The following ARHGAP15 variants were observed in gnomAD, a reference collection of about 807,000 sequenced individuals.
ARHGAP15 encodes rho GTPase-activating protein 15.
ARHGAP15 carries 51 observed loss-of-function variants against 63.7 expected under a neutral mutation model. The ratio of observed to expected loss-of-function variants is 0.80; its 90% confidence interval spans 0.64 to 1.01. ARHGAP15 has a LOEUF of 1.01. ARHGAP15 is among the 50% of genes least tolerant of loss of function. ARHGAP15 has a pLI of 0.00. For missense variants in ARHGAP15, 560 were observed against 564.6 expected, an observed-to-expected ratio of 0.99 and a Z score of 0.08; for synonymous variants, 191 against 193.8, an observed-to-expected ratio of 0.99 and a Z score of 0.12.
intron 11 of ARHGAP15, among the ~76,000 whole-genome samples, chr2:143,605,633 T>G (rs1377361660): frequency 1.3e-5 from 2 of 151,854 alleles, no homozygotes; most frequent in African/African-American, 2.4e-5. Context: ...GGAATCAGAT[T>G]CGCGGCATTT....
chr2:143,627,114 T>C (rs1259951287), intron 12 of ARHGAP15, among the ~76,000 whole-genome samples: 1 of 152,230 alleles, frequency 6.6e-6, no homozygotes, highest in Non-Finnish European at 1.5e-5. Context: ...CTTGGTCTCA[T>C]ACTTCCAAGA....
chr2:143,584,065 C>T (rs566287524), intron 11 of ARHGAP15, among the ~76,000 whole-genome samples: 8 of 152,230 alleles, frequency 5.3e-5, no homozygotes, highest in African/African-American at 1.7e-4. Flanking sequence ...CCAAGAGTAA[C>T]CATTCATGTT....
At chr2:143,140,726 G>C (rs1260666229) in intron 1 of ARHGAP15, among the ~76,000 whole-genome samples, 1 of 151,850 alleles carries the variant, frequency 6.6e-6, no homozygotes, top group Non-Finnish European at 1.5e-5. Flanking sequence ...AACCAACTCA[G>C]GATTCTATAT....
chr2:143,411,895 AAG>A (rs1373812624), intron 6 of ARHGAP15, among the ~76,000 whole-genome samples: 8 of 152,184 alleles, frequency 5.3e-5, no homozygotes, highest in East Asian at 1.9e-4. Context: ...ATGAATCAGA[AAG>A]AGAGGGAATA....
At chr2:143,337,739 T>C (rs1289778468) in intron 6 of ARHGAP15, among the ~76,000 whole-genome samples, 2 of 150,568 alleles carry the variant, frequency 1.3e-5, no homozygotes, top group South Asian at 2.1e-4. Flanking sequence ...ATATCAAACA[T>C]AAAAAAAAAG....
chr2:143,428,253 G>C (rs1371855255), intron 6 of ARHGAP15, among the ~76,000 whole-genome samples: 1 of 151,898 alleles, frequency 6.6e-6, no homozygotes, highest in Non-Finnish European at 1.5e-5. Context: ...CTAAAGTATG[G>C]GACAGCTGGG....
rs564311987 is a variant in ARHGAP15, at chr2:143,471,223, C to T, written c.704-16150C>T. Among the ~76,000 whole-genome samples, 204 of 145,582 alleles carry T rather than the reference C, an allele frequency of 1.4e-3. 1 individual carries two copies. The highest frequency in any genetic ancestry group is 4.3e-3 in the African/African-American group (166 of 38,548). ...ATATATGTGTGTATATATACACACA[C>T]ATGTGTATGTGTATATGTGTATATA... On this transcript the variant is annotated intron_variant, in intron 8 of 13. Coordinates refer to ENST00000295095, the MANE Select transcript of ARHGAP15 (RefSeq NM_018460.4).
chr2:143,661,166 C>G (rs1349544087), intron 12 of ARHGAP15, among the ~76,000 whole-genome samples: 3 of 152,158 alleles, frequency 2.0e-5, no homozygotes, highest in Non-Finnish European at 4.4e-5. Flanking sequence ...TTTTAAAGAC[C>G]AATGTGATCA....
intron 10 of ARHGAP15, chr2:143,522,208 A>G (rs1694087223): frequency 6.6e-6 from 1 of 152,136 alleles, no homozygotes; most frequent in African/African-American, 2.4e-5. Context: ...GGTTCTCTTT[A>G]TTACTCTAAA....
intron 10 of ARHGAP15, among the ~76,000 whole-genome samples, chr2:143,551,374 T>C (rs1337705615): frequency 6.6e-6 from 1 of 152,014 alleles, no homozygotes; most frequent in Non-Finnish European, 1.5e-5. Flanking sequence ...AGGCTGTTCT[T>C]GGATTCCTGG....
chr2:143,428,103 A>C (rs1186487504), intron 6 of ARHGAP15, among the ~76,000 whole-genome samples: 1 of 152,078 alleles, frequency 6.6e-6, no homozygotes, highest in African/African-American at 2.4e-5. Context: ...TGCTAAGATA[A>C]AGGAGAAGCA....
intron 11 of ARHGAP15, among the ~76,000 whole-genome samples, chr2:143,571,226 C>T (rs1057396339): frequency 1.3e-5 from 2 of 152,088 alleles, no homozygotes; most frequent in African/African-American, 4.8e-5. Context: ...GAGCATGTAA[C>T]AATAATAGAA....
At chr2:143,716,131 A>G (rs1056846346) in intron 13 of ARHGAP15, among the ~76,000 whole-genome samples, 1 of 152,176 alleles carries the variant, frequency 6.6e-6, no homozygotes, top group African/African-American at 2.4e-5. Context: ...ACGTTTAACT[A>G]TGTAACAAAC....
At chr2:143,334,535 T>C (rs1450105840) in intron 6 of ARHGAP15, among the ~76,000 whole-genome samples, 1 of 152,210 alleles carries the variant, frequency 6.6e-6, no homozygotes, top group East Asian at 1.9e-4. Flanking sequence ...GGTGTGCCAA[T>C]GGTGATAAGA....
intron 13 of ARHGAP15, among the ~76,000 whole-genome samples, chr2:143,706,016 T>G (rs1684309390): frequency 6.6e-6 from 1 of 152,192 alleles, no homozygotes; most frequent in African/African-American, 2.4e-5. Flanking sequence ...GATTATTATA[T>G]CACTTCACAG....
intron 12 of ARHGAP15, among the ~76,000 whole-genome samples, chr2:143,686,780 C>A (rs1683371402): frequency 6.6e-6 from 1 of 152,178 alleles, no homozygotes; most frequent in South Asian, 2.1e-4. Flanking sequence ...ATTCCAGATA[C>A]ACTGACGTCC....
intron 11 of ARHGAP15, among the ~76,000 whole-genome samples, chr2:143,617,241 C>T (rs573881892): frequency 2.6e-5 from 4 of 152,218 alleles, no homozygotes; most frequent in African/African-American, 7.2e-5. Context: ...TGTAGCATAG[C>T]CCTTGTGTTG....
At chr2:143,605,349 G>C (rs754996234) in intron 11 of ARHGAP15, among the ~76,000 whole-genome samples, 7 of 152,144 alleles carry the variant, frequency 4.6e-5, no homozygotes, top group African/African-American at 7.2e-5. Flanking sequence ...CGCCATAGCT[G>C]AATTCTCATA....
intron 6 of ARHGAP15, among the ~76,000 whole-genome samples, chr2:143,413,706 T>C (rs1372434637): frequency 6.6e-6 from 1 of 152,110 alleles, no homozygotes; most frequent in East Asian, 1.9e-4. Context: ...ACTCCTGGGC[T>C]CAAGCGATCC....
Sources: gnomAD v4.1 joint callset for allele counts (sites outside exome capture counted in the v4.1 genomes callset) on GRCh38, gnomAD v4.1.1 for gene constraint, MANE v1.5 for transcripts, NCBI Gene and HGNC (gene_info 2026-07-23, HGNC 2026-07-21) for gene names.